The following UNC5C variants were observed in gnomAD, a reference collection of about 807,000 sequenced individuals.
UNC5C encodes the protein netrin receptor UNC5C.
A neutral mutation model predicts 99.8 loss-of-function variants in UNC5C; 47 were observed. The observed-to-expected ratio is 0.47, with a 90% CI of 0.37 to 0.60. The LOEUF is 0.60. Among genes scored for constraint, UNC5C ranks in the 20% least tolerant of loss-of-function variants. The pLI is 0.00. For synonymous variants in UNC5C, 487 were observed against 452.2 expected (o/e 1.08, Z -0.98); for missense variants, 1,062 against 1,165.9 (o/e 0.91, Z 1.30).
intron 1 of UNC5C, among the ~76,000 whole-genome samples, chr4:95,444,332 C>CCT (rs898153195): frequency 3.7e-5 from 5 of 136,218 alleles, no homozygotes; most frequent in African/African-American, 1.3e-4. Context: ...AGTGCATTGC[C>CCT]TTTTTTTTTT....
At position 95,288,715 on chromosome 4, in the gene UNC5C, C is replaced by T. The variant is rs578137650; in HGVS notation, c.491-10353G>A. On this transcript the variant is annotated intron_variant, in intron 3 of 15. Coordinates refer to ENST00000453304, the MANE Select transcript of UNC5C (RefSeq NM_003728.4). Reference sequence around the variant, plus strand: ...TCCAGTGGCTGATGGCATTCCTTGGCTTGTGGCTACATCCCTCTAATCTCT... The same window carrying T: ...TCCAGTGGCTGATGGCATTCCTTGGTTTGTGGCTACATCCCTCTAATCTCT... 1.6e-4 allele frequency among the ~76,000 whole-genome samples: 24 copies of T among 152,334 alleles called. No homozygotes were observed. The South Asian group carries it at 3.3e-3, about 21-fold the overall frequency.
At chr4:95,349,362 T>C (rs1214086135) in intron 1 of UNC5C, among the ~76,000 whole-genome samples, 1 of 127,500 alleles carries the variant, frequency 7.8e-6, no homozygotes, top group Non-Finnish European at 1.7e-5. Context: ...GGTGGGTGGC[T>C]GTATCTCCCT....
At chr4:95,227,593 T>TATG (rs1738747701) in intron 7 of UNC5C, among the ~76,000 whole-genome samples, 1 of 152,250 alleles carries the variant, frequency 6.6e-6, no homozygotes, top group African/African-American at 2.4e-5. Context: ...AAGAGCAGGC[T>TATG]ATGTCTTAAA....
At chr4:95,391,928 AC>A (rs767669925) in intron 1 of UNC5C, among the ~76,000 whole-genome samples, 7 of 151,994 alleles carry the variant, frequency 4.6e-5, no homozygotes, top group African/African-American at 7.3e-5. Context: ...CCCCTGGCAC[AC>A]CCCTGTCGTC....
intron 1 of UNC5C, among the ~76,000 whole-genome samples, chr4:95,450,215 C>T (rs1747242124): frequency 6.6e-6 from 1 of 152,126 alleles, no homozygotes. Flanking sequence ...GGTGCTTCTT[C>T]CCCCAACCCC....
At chr4:95,193,598 T>C (rs1259044307) in intron 12 of UNC5C, among the ~76,000 whole-genome samples, 1 of 152,200 alleles carries the variant, frequency 6.6e-6, no homozygotes, top group African/African-American at 2.4e-5. Context: ...TTCATTATCA[T>C]GTGTCGAAAA....
chr4:95,259,171 T>A (rs552983214), intron 4 of UNC5C, among the ~76,000 whole-genome samples: 3 of 152,240 alleles, frequency 2.0e-5, no homozygotes, highest in Non-Finnish European at 4.4e-5. Flanking sequence ...TGTTTATGTC[T>A]CCCGTGGGCA....
At position 95,488,452 on chromosome 4, in the gene UNC5C, T is replaced by G. The variant is rs143106360; in HGVS notation, c.124+60282A>C. Among the ~76,000 whole-genome samples the G allele has an allele frequency of 2.6e-3, 392 of 151,900 alleles. 2 individuals carry two copies. The highest frequency in any genetic ancestry group is 9.2e-3 in the African/African-American group (383 of 41,494). On this transcript the variant is annotated intron_variant, in intron 1 of 15. Transcript: ENST00000453304. ...AGCAGATTTTCAACTAAAATTTCCT[T>G]AAGATAAAACAAAGCAGTACTTCCA...
intron 1 of UNC5C, among the ~76,000 whole-genome samples, chr4:95,384,229 T>C (rs1745148321): frequency 6.6e-6 from 1 of 152,174 alleles, no homozygotes; most frequent in South Asian, 2.1e-4. Context: ...AACTATTACG[T>C]GCTAGGTTCT....
rs543326351 is a variant in UNC5C at position 95,332,018 on chromosome 4, G to A, written c.346+3392C>T. 2.2e-4 allele frequency among the ~76,000 whole-genome samples: 34 copies of A among 152,142 alleles called. No homozygotes were observed. The East Asian group carries it at 4.1e-3, about 18-fold the overall frequency. On this transcript the variant is annotated intron_variant, in intron 2 of 15. Coordinates refer to ENST00000453304, the MANE Select transcript of UNC5C (RefSeq NM_003728.4). ...CCTAGGAATCCAACTTACAAGGGAC[G>A]TGAAGGACCTCTTCAAGGAGAACTA...
At chr4:95,201,018 C>A (rs1373646015) in intron 12 of UNC5C, among the ~76,000 whole-genome samples, 1 of 152,182 alleles carries the variant, frequency 6.6e-6, no homozygotes, top group Non-Finnish European at 1.5e-5. Context: ...CTCCCCAGCT[C>A]TCCACCACGT....
intron 1 of UNC5C, among the ~76,000 whole-genome samples, chr4:95,490,821 T>C (rs1163848032): frequency 6.6e-6 from 1 of 151,754 alleles, no homozygotes; most frequent in Non-Finnish European, 1.5e-5. Flanking sequence ...GATTTAAAAA[T>C]TGAACAATTT....
At chr4:95,201,780 A>AT (rs908420486) in intron 12 of UNC5C, among the ~76,000 whole-genome samples, 15 of 151,894 alleles carry the variant, frequency 9.9e-5, no homozygotes, top group South Asian at 2.1e-4. Flanking sequence ...ATTTTTTTGT[A>AT]TTTTTAGTAG....
chr4:95,366,595 T>C (rs1744578962), intron 1 of UNC5C, among the ~76,000 whole-genome samples: 1 of 152,158 alleles, frequency 6.6e-6, no homozygotes, highest in Non-Finnish European at 1.5e-5. Flanking sequence ...GATTGTAAAA[T>C]GTAACAAGAA....
chr4:95,361,376 G>A (rs191115566), intron 1 of UNC5C, among the ~76,000 whole-genome samples: 28 of 152,260 alleles, frequency 1.8e-4, no homozygotes, highest in Middle Eastern at 6.8e-3. Flanking sequence ...TTCAACTCAA[G>A]TTCTTGTGAA....
chr4:95,480,876 T>C (rs1330680109), intron 1 of UNC5C, among the ~76,000 whole-genome samples: 1 of 151,678 alleles, frequency 6.6e-6, no homozygotes, highest in African/African-American at 2.4e-5. Flanking sequence ...ATAAGAGCTA[T>C]CTATGACAAA....
chr4:95,492,843 G>A (rs980782408), intron 1 of UNC5C, among the ~76,000 whole-genome samples: 2 of 151,404 alleles, frequency 1.3e-5, no homozygotes, highest in East Asian at 3.9e-4. Context: ...TTTATTTGAT[G>A]TCATTTTCAC....
intron 1 of UNC5C, among the ~76,000 whole-genome samples, chr4:95,467,363 T>C (rs2149473153): frequency 6.6e-6 from 1 of 152,240 alleles, no homozygotes; most frequent in South Asian, 2.1e-4. Flanking sequence ...TCAGTGTGTG[T>C]GTGCAGAGGG....
chr4:95,316,468 G>C (rs1173805571), intron 2 of UNC5C, among the ~76,000 whole-genome samples: 7 of 152,220 alleles, frequency 4.6e-5, no homozygotes, highest in Middle Eastern at 3.4e-3. Flanking sequence ...GGAGCTGACC[G>C]CAGGCACACT....
Sources: gnomAD v4.1 joint callset for allele counts (sites outside exome capture counted in the v4.1 genomes callset) on GRCh38, gnomAD v4.1.1 for gene constraint, MANE v1.5 for transcripts, NCBI Gene and HGNC (gene_info 2026-07-23, HGNC 2026-07-21) for gene names.